The following RAB7A variants were observed in gnomAD, a reference collection of about 807,000 sequenced individuals.
RAB7A encodes ras-related protein Rab-7a.
In RAB7A, 2 loss-of-function variants were observed where a neutral mutation model predicts 24.5. The ratio of observed to expected loss-of-function variants is 0.08; its 90% CI spans 0.03 to 0.26. RAB7A has a LOEUF of 0.26. Ranked by LOEUF, RAB7A falls within the 10% of genes least tolerant of loss-of-function variation. The pLI, the probability that RAB7A is intolerant of heterozygous loss-of-function variation, is 1.00. For missense variants in RAB7A, 118 were observed against 255.7 expected, an observed-to-expected ratio of 0.46 and a Z score of 3.67; for synonymous variants, 100 against 95.9, an observed-to-expected ratio of 1.04 and a Z score of -0.25.
rs145330568 is a variant in RAB7A, at chr3:128,758,418, G to A, written c.-9+32059G>A. Among the ~76,000 whole-genome samples, 6 of 151,058 alleles carry A rather than the reference G, an allele frequency of 4.0e-5. No homozygotes were observed. The East Asian group carries it at 5.8e-4, about 15-fold the overall frequency. On this transcript the variant is annotated intron_variant, in intron 1 of 5. Coordinates refer to ENST00000265062, the MANE Select transcript of RAB7A (RefSeq NM_004637.6). Reference sequence around the variant, plus strand: ...CTCCCGAGTAGGTGGGACTACAGGCGCCCGCCACTACGCCCAGCTAATTTT... The same window carrying A: ...CTCCCGAGTAGGTGGGACTACAGGCACCCGCCACTACGCCCAGCTAATTTT...
In RAB7A at chr3:128,742,742, G is replaced by T. The variant is rs529843733; in HGVS notation, c.-9+16383G>T. Among the ~76,000 whole-genome samples, 5 of 150,508 alleles carry T rather than the reference G, an allele frequency of 3.3e-5. No homozygotes were observed. The East Asian group carries it at 9.8e-4, about 29-fold the overall frequency. On this transcript the variant is annotated intron_variant, in intron 1 of 5. Coordinates refer to ENST00000265062, the MANE Select transcript of RAB7A (RefSeq NM_004637.6). ...TTACAATCCTTTAGCTAGACATAAA[G>T]GTTCTCCAAGTCCCCACTAGATTAG... is the stretch of plus-strand genomic sequence containing the variant.
chr3:128,779,824 A>G (rs1671040655), intron 1 of RAB7A, among the ~76,000 whole-genome samples: 2 of 152,170 alleles, frequency 1.3e-5, no homozygotes. Flanking sequence ...CTGGTCTCCC[A>G]AATTGTTGGG....
intron 1 of RAB7A, among the ~76,000 whole-genome samples, chr3:128,777,159 G>A (rs141321487): frequency 2.0e-5 from 3 of 151,966 alleles, no homozygotes; most frequent in Non-Finnish European, 4.4e-5. Context: ...CTCCCATTTC[G>A]TAGATTATCT....
At chr3:128,800,623 T>G (rs925044327) in intron 3 of RAB7A, among the ~76,000 whole-genome samples, 6 of 152,168 alleles carry the variant, frequency 3.9e-5, no homozygotes, top group Non-Finnish European at 5.9e-5. Context: ...AAAAATAGAC[T>G]GAGGAAAACC....
rs146037243 is a variant in RAB7A at position 128,774,078 on chromosome 3, TAA to T, written c.-8-21266_-8-21265del. On this transcript the variant is annotated intron_variant, in intron 1 of 5. Transcript: ENST00000265062. ...CGAGAAACACCCAAGAATGATCAAT[TAA>T]AAAAAAAAAAAAAAAGAAAAAAAAT... Among the ~76,000 whole-genome samples, 166 of 111,086 alleles carry T rather than the reference TAA, an allele frequency of 1.5e-3. 2 individuals are homozygous for T. Among genetic ancestry groups the T allele is most frequent in the South Asian group, 0.013 (46 of 3,548 alleles). 72.9% of individuals were successfully genotyped at this position (111,086 alleles called of 152,430 possible). A position where few individuals can be genotyped will look rare whatever the true frequency, so the allele number is the denominator to read the frequency against.
intron 2 of RAB7A, among the ~76,000 whole-genome samples, chr3:128,796,417 A>G (rs575480529): frequency 1.3e-5 from 2 of 152,290 alleles, no homozygotes; most frequent in East Asian, 3.9e-4. Flanking sequence ...ATGCCGTTGC[A>G]CTGCAGCCCG....
Position 128,813,422 on chromosome 3 carries a change from AG to A in RAB7A, c.*5del. On this transcript the variant is annotated 3_prime_UTR_variant, in exon 6 of 6. Coordinates refer to ENST00000265062, the MANE Select transcript of RAB7A (RefSeq NM_004637.6). ...CCTCGGCAGAAAGCTGCAGTTGCTG[AG>A]GGGGCAGTGAGAGTTGAGCACAGAG... 6.2e-7 allele frequency: 1 copy of A among 1,613,914 alleles called. No homozygotes were observed. Among genetic ancestry groups the A allele is most frequent in the East Asian group, 2.2e-5 (1 of 44,888 alleles).
At chr3:128,781,739 G>A (rs901192261) in intron 1 of RAB7A, among the ~76,000 whole-genome samples, 5 of 150,174 alleles carry the variant, frequency 3.3e-5, no homozygotes, top group Non-Finnish European at 5.9e-5. Context: ...GGTTGTGGCC[G>A]GGCACGGTGG....
chr3:128,744,413 G>A (rs1046048318), intron 1 of RAB7A, among the ~76,000 whole-genome samples: 1 of 152,226 alleles, frequency 6.6e-6, no homozygotes, highest in African/African-American at 2.4e-5. Context: ...CCATTTGGGA[G>A]ACATTTGAAA....
rs1933975324 is a variant in RAB7A, at chr3:128,813,599, A to G, written c.*177A>G. 7 of 585,550 alleles carry G rather than the reference A, an allele frequency of 1.2e-5. No individual in the cohort carries two copies. Among genetic ancestry groups the G allele is most frequent in the South Asian group, 4.9e-5 (3 of 60,966 alleles). 36.3% of individuals were successfully genotyped at this position (585,550 alleles called of 1,614,324 possible). ...CCACATATCTCTCACACACACACAC[A>G]CACGCACACACACACACACAGATCT... On this transcript the variant is annotated 3_prime_UTR_variant, in exon 6 of 6. Coordinates refer to ENST00000265062, the MANE Select transcript of RAB7A (RefSeq NM_004637.6).
At chr3:128,805,662 T>C (rs538129664) in intron 3 of RAB7A, among the ~76,000 whole-genome samples, 1 of 152,148 alleles carries the variant, frequency 6.6e-6, no homozygotes, top group Admixed American at 6.5e-5. Context: ...AACTTTTCTC[T>C]TTTTTTTGAG....
chr3:128,727,912 A>G (rs1052638952), intron 1 of RAB7A, among the ~76,000 whole-genome samples: 3 of 151,908 alleles, frequency 2.0e-5, no homozygotes, highest in African/African-American at 7.3e-5. Context: ...GGGACCGGCT[A>G]AGTTAAAGCT....
At chr3:128,745,075 T>C (rs147373144) in intron 1 of RAB7A, among the ~76,000 whole-genome samples, 6,293 of 152,020 alleles carry the variant, frequency 0.041, 176 homozygotes, top group Non-Finnish European at 0.058. Flanking sequence ...AGGGTTTCAC[T>C]GTGTTAGCCA....
intron 1 of RAB7A, among the ~76,000 whole-genome samples, chr3:128,777,450 A>G (rs985704386): frequency 3.9e-5 from 6 of 151,972 alleles, no homozygotes; most frequent in Admixed American, 2.0e-4. Flanking sequence ...AGTCCTCGCA[A>G]TGTATTGGGA....
intron 3 of RAB7A, among the ~76,000 whole-genome samples, chr3:128,804,031 T>A (rs1559796847): frequency 6.6e-6 from 1 of 152,148 alleles, no homozygotes; most frequent in Non-Finnish European, 1.5e-5. Context: ...GTAGCTTACC[T>A]AACTTCCAAA....
chr3:128,773,209 C>T (rs1047791800), intron 1 of RAB7A, among the ~76,000 whole-genome samples: 8 of 152,294 alleles, frequency 5.3e-5, no homozygotes, highest in Non-Finnish European at 8.8e-5. Context: ...GCCGCGACCC[C>T]GTCTGGGATA....
At chr3:128,733,013 C>T (rs1027461495) in intron 1 of RAB7A, among the ~76,000 whole-genome samples, 2 of 152,174 alleles carry the variant, frequency 1.3e-5, no homozygotes, top group Non-Finnish European at 2.9e-5. Context: ...GAACCTGATG[C>T]ATCCAGCTCC....
intron 1 of RAB7A, among the ~76,000 whole-genome samples, chr3:128,733,727 C>G (rs1215536867): frequency 1.3e-5 from 2 of 152,176 alleles, no homozygotes; most frequent in East Asian, 3.8e-4. Context: ...TATGACCTCA[C>G]TTAACCTCAG....
chr3:128,739,341 C>T (rs895152151), intron 1 of RAB7A, among the ~76,000 whole-genome samples: 1 of 151,940 alleles, frequency 6.6e-6, no homozygotes, highest in African/African-American at 2.4e-5. Context: ...GGTGAAACCC[C>T]GTCTCCACCA....
Sources: allele counts gnomAD v4.1 joint callset (sites outside exome capture counted in the v4.1 genomes callset), GRCh38; gene constraint gnomAD v4.1.1; transcripts MANE v1.5; gene names NCBI Gene and HGNC (gene_info 2026-07-23, HGNC 2026-07-21).